The following DDX31 variants were observed in gnomAD, a reference collection of about 807,000 sequenced individuals.
DDX31 encodes the protein DEAD-box helicase 31.
A neutral mutation model predicts 91.3 loss-of-function variants in DDX31; 70 were observed. That is an observed-to-expected ratio of 0.77 (90% confidence interval 0.63 to 0.94). The LOEUF (loss-of-function observed/expected upper bound fraction) is 0.94, where lower values mean the gene tolerates loss of function less well. Among genes scored for constraint, DDX31 ranks in the 40% least tolerant of loss-of-function variants. The pLI is 0.00. For synonymous variants in DDX31, 362 were observed against 350.6 expected, an observed-to-expected ratio of 1.03 and a Z score of -0.36; for missense variants, 902 against 925.0, an observed-to-expected ratio of 0.98 and a Z score of 0.32.
intron 11 of DDX31, among the ~76,000 whole-genome samples, chr9:132,647,957 C>G (rs1042937702): frequency 6.6e-6 from 1 of 152,112 alleles, no homozygotes; most frequent in Non-Finnish European, 1.5e-5. Context: ...CTCATCCCTG[C>G]CCTTTCTCCC....
chr9:132,664,726 A>AAC (rs1835200447), intron 1 of DDX31, among the ~76,000 whole-genome samples: 1 of 151,518 alleles, frequency 6.6e-6, no homozygotes, highest in South Asian at 2.1e-4. Flanking sequence ...CAAAAAAAAA[A>AAC]AAAAAAAAAA....
At chr9:132,656,042 G>A (rs917890357) in intron 6 of DDX31, among the ~76,000 whole-genome samples, 7 of 152,044 alleles carry the variant, frequency 4.6e-5, no homozygotes, top group African/African-American at 7.3e-5. Context: ...TAGAGAAGAA[G>A]AAAGAAAAAT....
intron 10 of DDX31, 62 bp from the exon 11 acceptor site, chr9:132,648,357 G>A (rs1833964681): frequency 6.2e-7 from 1 of 1,604,916 alleles, no homozygotes; most frequent in East Asian, 2.2e-5. Context: ...GGTCTAAGGG[G>A]CTACAGAAGT....
At chr9:132,613,880 C>G (rs1362546902) in intron 18 of DDX31, among the ~76,000 whole-genome samples, 2 of 152,118 alleles carry the variant, frequency 1.3e-5, no homozygotes, top group Non-Finnish European at 2.9e-5. Flanking sequence ...AAGTGTCCAC[C>G]CGCTTCTCAC....
rs1192779053 is a variant in DDX31 at position 132,650,236 on chromosome 9, G to A, written c.738C>T (p.Ala246=). Residue 246 remains alanine, a splice_region_variant and synonymous_variant, in exon 9 of 20, where the codon GCC becomes GCT. Transcript: ENST00000372159. ...MGGEKRKSEK[A]RLRKGINILI... is the part of the protein sequence containing the mutation. ...ACAACCAACAAACCTCTTCCTACCTGGCCTTTTCTGATTTTCTCTTCTCTC... is the reference window on the plus strand; with the variant it reads ...ACAACCAACAAACCTCTTCCTACCTAGCCTTTTCTGATTTTCTCTTCTCTC... The A allele has an allele frequency of 6.2e-7, 1 of 1,613,932 alleles. No individual in the cohort carries two copies. The highest frequency in any genetic ancestry group is 1.3e-5 in the African/African-American group (1 of 75,010).
In DDX31 at chr9:132,662,424, C is replaced by A; in HGVS notation, c.332+15G>T. The A allele has an allele frequency of 6.2e-7, 1 of 1,613,792 alleles. No individual in the cohort carries two copies. The highest frequency in any genetic ancestry group is 8.5e-7 in the Non-Finnish European group (1 of 1,179,792). ...CATTTTTTTCTTCCTGAAGGGCATC[C>A]GCCCCTGGACATACCTGTGGAGTTC... On this transcript the variant is annotated intron_variant, in intron 2 of 19. Transcript: ENST00000372159.
At chr9:132,636,171 G>A (rs1218420641) in intron 14 of DDX31, among the ~76,000 whole-genome samples, 1 of 152,188 alleles carries the variant, frequency 6.6e-6, no homozygotes, top group Admixed American at 6.5e-5. Flanking sequence ...TGCACTAAAA[G>A]TGTGTCAACC....
chr9:132,645,211 C>T (rs1197732081), intron 13 of DDX31, among the ~76,000 whole-genome samples: 1 of 152,172 alleles, frequency 6.6e-6, no homozygotes, highest in African/African-American at 2.4e-5. Context: ...ATATCTCACT[C>T]CCATATTCCA....
intron 19 of DDX31, among the ~76,000 whole-genome samples, chr9:132,598,486 C>A (rs960949636): frequency 5.9e-5 from 9 of 152,186 alleles, no homozygotes; most frequent in South Asian, 2.1e-4. Flanking sequence ...AATAAACCCC[C>A]CCTCAGTTAC....
intron 16 of DDX31, among the ~76,000 whole-genome samples, chr9:132,629,983 G>A (rs929823853): frequency 6.6e-6 from 1 of 152,210 alleles, no homozygotes; most frequent in Non-Finnish European, 1.5e-5. Flanking sequence ...TGCGAAGATG[G>A]TGCACACTTA....
At chr9:132,645,826 G>A in intron 13 of DDX31, 69 bp downstream of exon 13, 1 of 1,506,670 alleles carries the variant, frequency 6.6e-7, no homozygotes, top group Non-Finnish European at 8.9e-7. Context: ...AGGTTTGCCG[G>A]ACTCAGGTTC....
At position 132,645,910 on chromosome 9, in the gene DDX31, G is replaced by A. The variant is rs367677891; in HGVS notation, c.1365C>T (p.Gly455=). 8.1e-6 allele frequency: 13 copies of A among 1,612,712 alleles called. No individual in the cohort carries two copies. The highest frequency in any genetic ancestry group is 3.3e-5 in the Admixed American group (2 of 59,916). ...SMRLKFLRLH[G]GMEQEERTAV... is the part of the protein sequence containing the mutation. ...CAGTGCTCACCTCCTGCTCCATGCC[G>A]CCATGCAGCCGTAGGAATTTTAATC... The change falls in exon 13 of 20, where the codon GGC becomes GGT. Residue 455 remains glycine, a synonymous_variant. Transcript: ENST00000372159.
chr9:132,665,630 C>T (rs1835255778), intron 1 of DDX31, among the ~76,000 whole-genome samples: 2 of 152,152 alleles, frequency 1.3e-5, no homozygotes, highest in South Asian at 4.1e-4. Context: ...TAAAAATCTA[C>T]TAAAAAATTC....
chr9:132,635,474 T>C (rs1258197672), intron 14 of DDX31, among the ~76,000 whole-genome samples: 1 of 147,808 alleles, frequency 6.8e-6, no homozygotes. Context: ...TTTTTTTTTT[T>C]TTTGAGATGG....
chr9:132,669,385 G>A (rs11243872), intron 1 of DDX31, among the ~76,000 whole-genome samples: 30,705 of 151,742 alleles, frequency 0.2, 3,916 homozygotes, highest in East Asian at 0.4. Flanking sequence ...AGTAAGTCAC[G>A]ATATATAGGG....
At chr9:132,641,831 C>T (rs568806761) in intron 14 of DDX31, among the ~76,000 whole-genome samples, 173 bp downstream of exon 14, 1 of 152,284 alleles carries the variant, frequency 6.6e-6, no homozygotes, top group African/African-American at 2.4e-5. Flanking sequence ...TGGCTATCTG[C>T]AGCCCTGTCA....
At chr9:132,616,979 G>A (rs1295489969) in intron 18 of DDX31, among the ~76,000 whole-genome samples, 1 of 152,098 alleles carries the variant, frequency 6.6e-6, no homozygotes, top group Non-Finnish European at 1.5e-5. Context: ...CCTCAGCCAG[G>A]CTCCCAGCTT....
intron 14 of DDX31, among the ~76,000 whole-genome samples, chr9:132,640,880 G>T (rs116190872): frequency 5.2e-4 from 79 of 152,270 alleles, no homozygotes; most frequent in African/African-American, 1.9e-3. Context: ...GATGGCTTTA[G>T]AACAAGCTCG....
At position 132,630,247 on chromosome 9, in the gene DDX31, T is replaced by G; in HGVS notation, c.1631+17A>C. 3 of 1,564,994 alleles carry G rather than the reference T, an allele frequency of 1.9e-6. No individual in the cohort carries two copies. The highest frequency in any genetic ancestry group is 2.6e-6 in the Non-Finnish European group (3 of 1,144,064). ...TAGGTGAGACCAGCCGAAACCCCAT[T>G]CAGGTTTCTGACTCACTTGATTTTG... On this transcript the variant is annotated intron_variant, in intron 16 of 19. Coordinates refer to ENST00000372159, the MANE Select transcript of DDX31 (RefSeq NM_022779.9).
Sources: allele counts gnomAD v4.1 joint callset (sites outside exome capture counted in the v4.1 genomes callset), GRCh38; gene constraint gnomAD v4.1.1; transcripts MANE v1.5; gene names NCBI Gene and HGNC (gene_info 2026-07-23, HGNC 2026-07-21).